The following TARBP1 variants were observed in gnomAD, a reference collection of about 807,000 sequenced individuals.
The protein encoded by TARBP1 is tRNA guanosine 2 -O-methyltransferase TARBP1.
In TARBP1, 144 loss-of-function variants were observed where a neutral mutation model predicts 178.6. The ratio of observed to expected loss-of-function variants is 0.81; its 90% CI spans 0.70 to 0.93. The LOEUF (loss-of-function observed/expected upper bound fraction) is 0.93. Among genes scored for constraint, TARBP1 ranks in the 40% least tolerant of loss-of-function variants. The probability of loss-of-function intolerance (pLI) is 0.00; values close to 1 mark genes in which losing one functional copy is unlikely to be tolerated. For synonymous variants in TARBP1, 787 were observed against 781.0 expected, an observed-to-expected ratio of 1.01 and a Z score of -0.13; for missense variants, 2,067 against 2,011.7, an observed-to-expected ratio of 1.03 and a Z score of -0.53.
chr1:234,458,299 G>A (rs952786997), intron 8 of TARBP1, among the ~76,000 whole-genome samples: 3 of 152,064 alleles, frequency 2.0e-5, no homozygotes, highest in South Asian at 2.1e-4. Context: ...AGCCAAGATC[G>A]TGCCATTGCA....
chr1:234,419,182 A>T (rs1044380089), intron 21 of TARBP1, among the ~76,000 whole-genome samples: 1 of 151,944 alleles, frequency 6.6e-6, no homozygotes, highest in Non-Finnish European at 1.5e-5. Flanking sequence ...CAAAAAAAAT[A>T]AAAATAAAAA....
intron 19 of TARBP1, among the ~76,000 whole-genome samples, chr1:234,426,365 T>C (rs749920713): frequency 2.6e-4 from 39 of 152,366 alleles, no homozygotes; most frequent in Non-Finnish European, 4.4e-4. Flanking sequence ...TGTGAATAAA[T>C]ATTTTAATTT....
chr1:234,415,877 C>A (rs79993117), intron 22 of TARBP1, among the ~76,000 whole-genome samples: 2,865 of 152,310 alleles, frequency 0.019, 85 homozygotes, highest in African/African-American at 0.063. Flanking sequence ...GTAGCTTTCC[C>A]GGTGTTCTGT....
chr1:234,429,068 T>C, intron 17 of TARBP1, 68 bp downstream of exon 17: 1 of 1,393,400 alleles, frequency 7.2e-7, no homozygotes, highest in Non-Finnish European at 9.6e-7. Flanking sequence ...AATACAACTC[T>C]CATGTTCCTC....
intron 22 of TARBP1, among the ~76,000 whole-genome samples, chr1:234,415,905 C>T (rs146676239): frequency 6.6e-6 from 1 of 152,340 alleles, no homozygotes; most frequent in Admixed American, 6.5e-5. Flanking sequence ...CTACTACTCC[C>T]CTCTTCCCCA....
intron 12 of TARBP1, among the ~76,000 whole-genome samples, chr1:234,444,223 C>A (rs67745038): frequency 2.0e-5 from 3 of 151,816 alleles, no homozygotes; most frequent in Admixed American, 1.3e-4. Context: ...AAGCGAGACT[C>A]AGCAAAGACC....
In TARBP1 at chr1:234,467,969, T is replaced by TG. The variant is rs1157794322; in HGVS notation, c.1100-320dup. On this transcript the variant is annotated intron_variant, in intron 3 of 29. Coordinates refer to ENST00000040877, the MANE Select transcript of TARBP1 (RefSeq NM_005646.4). ...ATTTTTAAAATATTTTTTAGAAACATGGTCTCAGAATGTTGCCTAGGTTGG... is the reference window on the plus strand; with the variant it reads ...ATTTTTAAAATATTTTTTAGAAACATGGGTCTCAGAATGTTGCCTAGGTTGG... Among the ~76,000 whole-genome samples the TG allele has an allele frequency of 5.9e-5, 9 of 152,192 alleles. No homozygotes were observed. The South Asian group carries it at 1.9e-3, about 32-fold the overall frequency.
chr1:234,466,355 T>G (rs1293515827), intron 4 of TARBP1, among the ~76,000 whole-genome samples: 2 of 151,462 alleles, frequency 1.3e-5, no homozygotes, highest in Non-Finnish European at 2.9e-5. Flanking sequence ...CTACTAAAAT[T>G]ACAAAACTGA....
At chr1:234,468,270 TG>T (rs1421506831) in intron 3 of TARBP1, among the ~76,000 whole-genome samples, 1 of 152,004 alleles carries the variant, frequency 6.6e-6, no homozygotes, top group Non-Finnish European at 1.5e-5. Context: ...CTGGCCAACA[TG>T]GCAAAACTCC....
rs895086269 is a variant in TARBP1, at chr1:234,447,095, T to C, written c.1962-120A>G. The stretch of plus-strand genomic sequence containing the variant: ...ATCCAATTAGACAAAGTTACTCTCA[T>C]GAAAGACCCAGACAACCAGCAGCTA... On this transcript the variant is annotated intron_variant, in intron 11 of 29. Coordinates refer to ENST00000040877, the MANE Select transcript of TARBP1 (RefSeq NM_005646.4). 27 of 1,076,094 alleles carry C rather than the reference T, an allele frequency of 2.5e-5. No homozygotes were observed. In the Admixed American group the frequency reaches 5.4e-4, roughly 21 times the overall value. 66.7% of individuals were successfully genotyped at this position (1,076,094 alleles called of 1,614,324 possible).
chr1:234,444,063 C>T (rs774660441), intron 12 of TARBP1, among the ~76,000 whole-genome samples: 5 of 152,306 alleles, frequency 3.3e-5, no homozygotes, highest in Middle Eastern at 6.8e-3. Context: ...TGTGAACGTA[C>T]TTTCTATGTC....
At chr1:234,439,204 T>C (rs1665344218) in intron 12 of TARBP1, among the ~76,000 whole-genome samples, 2 of 152,204 alleles carry the variant, frequency 1.3e-5, no homozygotes, top group African/African-American at 4.8e-5. Flanking sequence ...AAGAGACCTG[T>C]AAACATCTAA....
chr1:234,465,498 CAAG>C (rs747756359), intron 5 of TARBP1, among the ~76,000 whole-genome samples, 155 bp downstream of exon 5: 80 of 151,878 alleles, frequency 5.3e-4, no homozygotes, highest in Non-Finnish European at 8.7e-4. Context: ...AATCAGAATG[CAAG>C]AAGAATAACA....
chr1:234,395,540 A>G (rs772583554), intron 26 of TARBP1, among the ~76,000 whole-genome samples: 1 of 152,230 alleles, frequency 6.6e-6, no homozygotes, highest in Admixed American at 6.5e-5. Context: ...AATACCATTA[A>G]TAGGGCATAC....
chr1:234,478,244 AGGTAGCGCGCTCGCTT>A lies in TARBP1; in HGVS notation c.844_859del (p.Lys282CysfsTer40), dbSNP rs1364416549. 6.2e-7 allele frequency: 1 copy of A among 1,610,212 alleles called. No individual in the cohort carries two copies. The highest frequency in any genetic ancestry group is 8.5e-7 in the Non-Finnish European group (1 of 1,179,064). On this transcript the variant is annotated frameshift_variant, in exon 1 of 30. Transcript: ENST00000040877. LOFTEE classifies it high-confidence loss of function. ...CGACACCTCCACCGCCCTCTGCAGC[AGGTAGCGCGCTCGCTT>A]GCGCGTCAGGGCGTCCGCCTGGCCC... is the stretch of plus-strand genomic sequence containing the variant.
chr1:234,440,478 T>C (rs1166935317), intron 12 of TARBP1, among the ~76,000 whole-genome samples: 1 of 151,448 alleles, frequency 6.6e-6, no homozygotes, highest in East Asian at 1.9e-4. Flanking sequence ...AGAGTGCACA[T>C]GAGTAAGCAC....
At chr1:234,417,714 CA>C (rs1338321169) in intron 22 of TARBP1, among the ~76,000 whole-genome samples, 8 of 152,142 alleles carry the variant, frequency 5.3e-5, no homozygotes, top group Admixed American at 2.6e-4. Flanking sequence ...TGAAATCTCC[CA>C]AAACCTTTTT....
intron 24 of TARBP1, 58 bp downstream of exon 24, chr1:234,405,840 CCCCCT>C: frequency 6.8e-7 from 1 of 1,477,630 alleles, no homozygotes; most frequent in Non-Finnish European, 9.3e-7. Flanking sequence ...ATGGGCACTG[CCCCCT>C]CCCTGTGGGC....
intron 4 of TARBP1, among the ~76,000 whole-genome samples, chr1:234,466,795 G>A (rs565442278): frequency 6.6e-5 from 10 of 151,460 alleles, no homozygotes; most frequent in Non-Finnish European, 7.4e-5. Flanking sequence ...CCTGGGAAGC[G>A]GAGGTTGCAC....
Sources: allele counts gnomAD v4.1 joint callset (sites outside exome capture counted in the v4.1 genomes callset), GRCh38; gene constraint gnomAD v4.1.1; transcripts MANE v1.5; gene names NCBI Gene and HGNC (gene_info 2026-07-23, HGNC 2026-07-21).